The following PDZRN4 variants were observed in gnomAD, a reference collection of about 807,000 sequenced individuals.
PDZRN4 encodes PDZ domain-containing RING finger protein 4.
A neutral mutation model predicts 99.0 loss-of-function variants in PDZRN4; 70 were observed. The observed-to-expected ratio is 0.71, with a 90% CI of 0.58 to 0.86. PDZRN4 has a LOEUF of 0.86. Ranked by LOEUF, PDZRN4 falls within the 40% of genes least tolerant of loss-of-function variation. The pLI is 0.00. For synonymous variants in PDZRN4, 551 were observed against 501.6 expected (o/e 1.10, Z -1.32); for missense variants, 1,474 against 1,331.2 (o/e 1.11, Z -1.67).
chr12:41,352,210 T>C (rs539438360), intron 3 of PDZRN4, among the ~76,000 whole-genome samples: 1 of 152,196 alleles, frequency 6.6e-6, no homozygotes, highest in East Asian at 1.9e-4. Flanking sequence ...GGAGTGATGG[T>C]GCCAGCTTGG....
At position 41,335,239 on chromosome 12, in the gene PDZRN4, T is replaced by G. The variant is rs531482908; in HGVS notation, c.843+141051T>G. On this transcript the variant is annotated intron_variant, in intron 3 of 9. Coordinates refer to ENST00000402685, the MANE Select transcript of PDZRN4 (RefSeq NM_001164595.2). ...ATCACTATTTGCCTATTTGCTATCA[T>G]TTTCTTTTTTTCTTTTTATTTATTT... is the stretch of plus-strand genomic sequence containing the variant. 1.7e-3 allele frequency among the ~76,000 whole-genome samples: 251 copies of G among 151,838 alleles called. 2 individuals carry two copies. Among genetic ancestry groups the G allele is most frequent in the African/African-American group, 5.6e-3 (234 of 41,464 alleles).
intron 3 of PDZRN4, among the ~76,000 whole-genome samples, chr12:41,281,012 G>C (rs975090043): frequency 3.9e-5 from 6 of 152,164 alleles, no homozygotes; most frequent in African/African-American, 1.2e-4. Flanking sequence ...GCTTCCAGAG[G>C]AAGGAGCAGG....
Position 41,420,767 on chromosome 12 carries a change from T to C in PDZRN4, c.844-85689T>C, listed in dbSNP as rs551191838. Among the ~76,000 whole-genome samples the C allele has an allele frequency of 2.0e-5, 3 of 152,316 alleles. No homozygotes were observed. In the South Asian group the frequency reaches 6.2e-4, roughly 32 times the overall value. On this transcript the variant is annotated intron_variant, in intron 3 of 9. Coordinates refer to ENST00000402685, the MANE Select transcript of PDZRN4 (RefSeq NM_001164595.2). ...TGACCCTTTTTTCCTTCTATCTTTT[T>C]CTTTGAATGCCCAACTCACTGCCTC...
In PDZRN4 at chr12:41,244,922, C is replaced by T. The variant is rs1009745914; in HGVS notation, c.843+50734C>T. Among the ~76,000 whole-genome samples, 4 of 148,466 alleles carry T rather than the reference C, an allele frequency of 2.7e-5. No homozygotes were observed. The East Asian group carries it at 8.0e-4, about 30-fold the overall frequency. On this transcript the variant is annotated intron_variant, in intron 3 of 9. Coordinates refer to ENST00000402685, the MANE Select transcript of PDZRN4 (RefSeq NM_001164595.2). The stretch of plus-strand genomic sequence containing the variant: ...AGCCAGGATGGTCTCGATCTCCTGA[C>T]CTCATGATCCACCCGCCTCGGCCTC...
chr12:41,401,509 C>G (rs910396134), intron 3 of PDZRN4, among the ~76,000 whole-genome samples: 1 of 152,132 alleles, frequency 6.6e-6, no homozygotes, highest in African/African-American at 2.4e-5. Flanking sequence ...GAGTCAGCAA[C>G]CTCAGAATCT....
At position 41,573,003 on chromosome 12, in the gene PDZRN4, G is replaced by A; in HGVS notation, c.2224G>A (p.Ala742Thr). 2 of 1,614,166 alleles carry A rather than the reference G, an allele frequency of 1.2e-6. No individual in the cohort carries two copies. The highest frequency in any genetic ancestry group is 1.6e-4 in the Middle Eastern group (1 of 6,062). ...DKDSSSAYNT[A>T]ESCRSTPLTV... ...GGACAGTTCTAGTGCTTACAACACA[G>A]CTGAGAGCTGCAGAAGTACTCCGCT... Residue 742 changes from alanine (A) to threonine (T), a missense_variant, in exon 10 of 10, where the codon GCT becomes ACT. Physicochemically the swap from Ala to Thr is moderately conservative, Grantham distance 58 (BLOSUM62 0). Transcript: ENST00000402685.
At chr12:41,189,173 G>A in intron 1 of PDZRN4, 70 bp downstream of exon 1, 1 of 1,428,866 alleles carries the variant, frequency 7.0e-7, no homozygotes, top group South Asian at 1.2e-5. Flanking sequence ...TCTTTCTGAC[G>A]CTTCAGGATT....
At chr12:41,552,216 T>C (rs1939069842) in intron 5 of PDZRN4, among the ~76,000 whole-genome samples, 1 of 152,194 alleles carries the variant, frequency 6.6e-6, no homozygotes, top group Admixed American at 6.5e-5. Flanking sequence ...ATAGTCTTTT[T>C]TTTATTATTT....
chr12:41,329,194 C>G (rs1481384173), intron 3 of PDZRN4, among the ~76,000 whole-genome samples: 1 of 152,054 alleles, frequency 6.6e-6, no homozygotes, highest in African/African-American at 2.4e-5. Context: ...GTTTGGGAAG[C>G]CTCAGAGATG....
intron 3 of PDZRN4, among the ~76,000 whole-genome samples, chr12:41,356,330 T>G (rs1281981833): frequency 2.0e-5 from 3 of 152,054 alleles, no homozygotes; most frequent in African/African-American, 7.2e-5. Flanking sequence ...AATGATTGTT[T>G]CCTCTTTTTA....
rs368768633 is a variant in PDZRN4 at position 41,239,193 on chromosome 12, C to T, written c.843+45005C>T. 3.9e-4 allele frequency among the ~76,000 whole-genome samples: 60 copies of T among 152,262 alleles called. 1 individual carries two copies. Among genetic ancestry groups the T allele is most frequent in the African/African-American group, 1.4e-3 (58 of 41,544 alleles). On this transcript the variant is annotated intron_variant, in intron 3 of 9. Transcript: ENST00000402685. ...ATGGATGGAGTTGGAAGTCATTATCCTCAGCAAACTAACGCAGGGACAGAA... is the reference window on the plus strand; with the variant it reads ...ATGGATGGAGTTGGAAGTCATTATCTTCAGCAAACTAACGCAGGGACAGAA...
chr12:41,507,973 A>T (rs2120678368), intron 4 of PDZRN4, among the ~76,000 whole-genome samples: 1 of 152,294 alleles, frequency 6.6e-6, no homozygotes, highest in African/African-American at 2.4e-5. Flanking sequence ...TACAGCCTAA[A>T]ACATAGTAGC....
At chr12:41,503,156 G>GCAT (rs1213573480) in intron 3 of PDZRN4, among the ~76,000 whole-genome samples, 1 of 152,076 alleles carries the variant, frequency 6.6e-6, no homozygotes, top group Non-Finnish European at 1.5e-5. Flanking sequence ...ATCAATGCTT[G>GCAT]CATTTTCTAA....
intron 3 of PDZRN4, among the ~76,000 whole-genome samples, chr12:41,374,840 C>A (rs1467905626): frequency 2.0e-5 from 3 of 152,146 alleles, no homozygotes; most frequent in African/African-American, 4.8e-5. Flanking sequence ...AAATTTAGTT[C>A]TTTTTCCCCT....
At chr12:41,233,839 A>G (rs1951047347) in intron 3 of PDZRN4, among the ~76,000 whole-genome samples, 1 of 152,098 alleles carries the variant, frequency 6.6e-6, no homozygotes, top group Non-Finnish European at 1.5e-5. Context: ...ACCTAATACT[A>G]AATGATGAAT....
intron 5 of PDZRN4, among the ~76,000 whole-genome samples, chr12:41,524,579 C>G (rs1938541623): frequency 6.6e-6 from 1 of 151,922 alleles, no homozygotes; most frequent in Non-Finnish European, 1.5e-5. Context: ...AGAAAAAGGC[C>G]AGAGTTGTTG....
intron 3 of PDZRN4, among the ~76,000 whole-genome samples, chr12:41,275,654 G>A (rs1354979113): frequency 6.6e-6 from 1 of 150,682 alleles, no homozygotes; most frequent in East Asian, 1.9e-4. Context: ...AGTATACTGT[G>A]GATTTTTTTA....
At chr12:41,478,214 C>A (rs193302531) in intron 3 of PDZRN4, among the ~76,000 whole-genome samples, 4 of 152,134 alleles carry the variant, frequency 2.6e-5, no homozygotes, top group African/African-American at 9.7e-5. Context: ...CTCCCAGGTT[C>A]AAGCGATTCT....
rs144526150 is a variant in PDZRN4 at position 41,553,569 on chromosome 12, C to T, written c.1302+815C>T. 1.7e-3 allele frequency among the ~76,000 whole-genome samples: 261 copies of T among 151,798 alleles called. 1 individual carries two copies. Among genetic ancestry groups the T allele is most frequent in the African/African-American group, 5.9e-3 (246 of 41,364 alleles). ...TTTAGTCAGTCATGGTGGCATATGC[C>T]GGTAGTCCTAACTACTCAGGAGGCT... is the stretch of plus-strand genomic sequence containing the variant. On this transcript the variant is annotated intron_variant, in intron 6 of 9. Coordinates refer to ENST00000402685, the MANE Select transcript of PDZRN4 (RefSeq NM_001164595.2).
Sources: allele counts gnomAD v4.1 joint callset (sites outside exome capture counted in the v4.1 genomes callset), GRCh38; gene constraint gnomAD v4.1.1; transcripts MANE v1.5; gene names NCBI Gene and HGNC (gene_info 2026-07-23, HGNC 2026-07-21).